GALNT13: variants seen among roughly 807,000 people sequenced by gnomAD.
The protein encoded by GALNT13 is UDP-GalNAc:polypeptide N-acetylgalactosaminyltransferase 13.
In GALNT13, 28 loss-of-function variants were observed where a neutral mutation model predicts 64.2. The ratio of observed to expected loss-of-function variants is 0.44; its 90% CI spans 0.32 to 0.60. The LOEUF is 0.60. Among genes scored for constraint, GALNT13 ranks in the 20% least tolerant of loss-of-function variants. The pLI, the probability that GALNT13 is intolerant of heterozygous loss-of-function variation, is 0.05. For missense variants in GALNT13, 577 were observed against 669.8 expected (o/e 0.86, Z 1.53); for synonymous variants, 214 against 224.6 (o/e 0.95, Z 0.42).
the GALNT13 span, among the ~76,000 whole-genome samples, chr2:153,414,175 A>G: frequency 6.6e-6 from 1 of 152,098 alleles, no homozygotes; most frequent in African/African-American, 2.4e-5. Flanking sequence ...GGAGTTCAAG[A>G]CCAGCCTGAC....
chr2:153,404,042 A>T, the GALNT13 span, among the ~76,000 whole-genome samples: 2 of 152,154 alleles, frequency 1.3e-5, no homozygotes, highest in Non-Finnish European at 2.9e-5. Flanking sequence ...AAACACTGCA[A>T]ATCTCCCCTT....
At chr2:153,785,798 C>T in the GALNT13 span, among the ~76,000 whole-genome samples, 6 of 152,072 alleles carry the variant, frequency 3.9e-5, no homozygotes, top group Non-Finnish European at 5.9e-5. Context: ...CCAGTGTGGG[C>T]GTGGGGGATG....
intron 1 of GALNT13, among the ~76,000 whole-genome samples, chr2:153,886,739 G>A (rs1687206579): frequency 6.6e-6 from 1 of 151,954 alleles, no homozygotes; most frequent in Non-Finnish European, 1.5e-5. Context: ...GGCAGTTAGA[G>A]CTCTTTTGTC....
At chr2:154,440,487 A>G (rs1701233246) in intron 12 of GALNT13, among the ~76,000 whole-genome samples, 1 of 152,114 alleles carries the variant, frequency 6.6e-6, no homozygotes, top group Non-Finnish European at 1.5e-5. Context: ...ACATAGGTAG[A>G]TAAATAAATG....
the GALNT13 span, among the ~76,000 whole-genome samples, chr2:153,275,143 C>A: frequency 6.6e-6 from 1 of 152,172 alleles, no homozygotes; most frequent in East Asian, 1.9e-4. Flanking sequence ...CAAAAATAAC[C>A]CCTGTTAATA....
chr2:153,726,963 A>G, the GALNT13 span, among the ~76,000 whole-genome samples: 1 of 151,798 alleles, frequency 6.6e-6, no homozygotes, highest in Non-Finnish European at 1.5e-5. Flanking sequence ...AAAACAAAAA[A>G]AAAACCACAC....
At chr2:153,309,710 T>A in the GALNT13 span, among the ~76,000 whole-genome samples, 1 of 152,154 alleles carries the variant, frequency 6.6e-6, no homozygotes, top group East Asian at 1.9e-4. Flanking sequence ...CACTCTCATT[T>A]TTTGATTTTT....
At chr2:154,368,269 T>C (rs1697483240) in intron 9 of GALNT13, among the ~76,000 whole-genome samples, 1 of 152,174 alleles carries the variant, frequency 6.6e-6, no homozygotes, top group African/African-American at 2.4e-5. Context: ...TATTCTGATA[T>C]GAGCTTCTCA....
intron 3 of GALNT13, among the ~76,000 whole-genome samples, chr2:154,118,051 T>C (rs1412129854): frequency 6.6e-6 from 1 of 152,206 alleles, no homozygotes; most frequent in Non-Finnish European, 1.5e-5. Flanking sequence ...CAATGTTTTT[T>C]GAACCAATTA....
chr2:153,968,042 C>T (rs1693491720), intron 3 of GALNT13, among the ~76,000 whole-genome samples: 1 of 152,150 alleles, frequency 6.6e-6, no homozygotes, highest in African/African-American at 2.4e-5. Context: ...GCACAGCCTA[C>T]TCTTAGGAGG....
At chr2:153,671,988 A>G in the GALNT13 span, among the ~76,000 whole-genome samples, 1 of 152,236 alleles carries the variant, frequency 6.6e-6, no homozygotes, top group African/African-American at 2.4e-5. Flanking sequence ...GACCAATTCA[A>G]CAAAAAGAGT....
At chr2:153,720,541 G>A in the GALNT13 span, among the ~76,000 whole-genome samples, 2 of 149,512 alleles carry the variant, frequency 1.3e-5, no homozygotes, top group African/African-American at 2.4e-5. Context: ...CAAACCAAAG[G>A]CAAAGAAGTT....
At chr2:153,758,167 A>G in the GALNT13 span, among the ~76,000 whole-genome samples, 1 of 152,150 alleles carries the variant, frequency 6.6e-6, no homozygotes, top group Admixed American at 6.5e-5. Context: ...ATATGGCATG[A>G]GATGAGGGTT....
chr2:153,496,384 CTT>C, the GALNT13 span, among the ~76,000 whole-genome samples: 1 of 152,122 alleles, frequency 6.6e-6, no homozygotes, highest in Non-Finnish European at 1.5e-5. Flanking sequence ...TTCTAAGTCT[CTT>C]TTTGTTTGTT....
the GALNT13 span, among the ~76,000 whole-genome samples, chr2:153,798,795 T>C: frequency 2.6e-5 from 4 of 152,194 alleles, no homozygotes; most frequent in Non-Finnish European, 4.4e-5. Flanking sequence ...TATTTCCATG[T>C]TATGGTTAAT....
intron 3 of GALNT13, among the ~76,000 whole-genome samples, chr2:154,046,947 T>G (rs1028040340): frequency 3.9e-5 from 6 of 152,016 alleles, no homozygotes; most frequent in Non-Finnish European, 7.4e-5. Context: ...GGGTTTTTTT[T>G]TTTATGTCTG....
the GALNT13 span, among the ~76,000 whole-genome samples, chr2:153,231,802 G>T: frequency 6.6e-6 from 1 of 151,910 alleles, no homozygotes; most frequent in East Asian, 1.9e-4. Context: ...TTTCCTAGCT[G>T]GGGATAAAAG....
At chr2:154,145,865 T>C (rs1056256335) in intron 4 of GALNT13, among the ~76,000 whole-genome samples, 2 of 152,016 alleles carry the variant, frequency 1.3e-5, no homozygotes, top group Non-Finnish European at 2.9e-5. Context: ...TAAAATATGA[T>C]AAATGTAGCA....
chr2:154,117,686 T>C (rs1220097474), intron 3 of GALNT13, among the ~76,000 whole-genome samples: 1 of 152,042 alleles, frequency 6.6e-6, no homozygotes, highest in Non-Finnish European at 1.5e-5. Context: ...TAAACCCAAA[T>C]ATTTACAGCC....
Sources: allele counts gnomAD v4.1 joint callset (sites outside exome capture counted in the v4.1 genomes callset), GRCh38; gene constraint gnomAD v4.1.1; transcripts MANE v1.5; gene names NCBI Gene and HGNC (gene_info 2026-07-23, HGNC 2026-07-21).